Variants in LIPA observed in about 807,000 individuals in gnomAD.
LIPA encodes lysosomal acid lipase/cholesteryl ester hydrolase.
In LIPA, 26 loss-of-function variants were observed where a neutral mutation model predicts 40.6. That is an observed-to-expected ratio of 0.64 (90% CI 0.47 to 0.89). The LOEUF is 0.89. LIPA is among the 40% of genes least tolerant of loss of function. LIPA has a pLI of 0.00. For missense variants in LIPA, 455 were observed against 479.6 expected (o/e 0.95, Z 0.48); for synonymous variants, 188 against 168.4 (o/e 1.12, Z -0.90).
chr10:89,381,106 G>A (rs1844159172), intron 2 of LIPA, among the ~76,000 whole-genome samples: 1 of 152,154 alleles, frequency 6.6e-6, no homozygotes. Flanking sequence ...GCTCACAAAT[G>A]TGCTGGGTGG....
chr10:89,293,678 A>ACAAGAGAG (rs563646884), intron 1 of LIPA: 1 of 126,368 alleles, frequency 7.9e-6, no homozygotes, highest in East Asian at 2.9e-4. Context: ...TCTGTGTGAG[A>ACAAGAGAG]TGAGAGAGAG....
Position 89,307,264 on chromosome 10 carries a change from G to A in LIPA, c.-2+35347C>T, listed in dbSNP as rs368799099. On this transcript the variant is annotated intron_variant, in intron 1 of 5. Transcript: ENST00000282673. ...CAGATTCTGAGGCTTTGCATGTCTTGGCATTCCTTCAGGAGCTGAATGAAA... is the reference window on the plus strand; with the variant it reads ...CAGATTCTGAGGCTTTGCATGTCTTAGCATTCCTTCAGGAGCTGAATGAAA... 6.8e-6 allele frequency: 11 copies of A among 1,613,974 alleles called. No individual in the cohort carries two copies. In the East Asian group the frequency reaches 2.2e-4, roughly 33 times the overall value.
chr10:89,368,295 C>T (rs186913444), intron 2 of LIPA, among the ~76,000 whole-genome samples: 170 of 152,358 alleles, frequency 1.1e-3, no homozygotes, highest in Admixed American at 1.8e-3. Flanking sequence ...ACTCTGGCTA[C>T]ACTTCTATGT....
At chr10:89,221,562 C>G (rs1451179466) in intron 8 of LIPA, among the ~76,000 whole-genome samples, 1 of 152,038 alleles carries the variant, frequency 6.6e-6, no homozygotes, top group Non-Finnish European at 1.5e-5. Context: ...GCAGTGACTG[C>G]CAGGTGTTTG....
intron 1 of LIPA, among the ~76,000 whole-genome samples, chr10:89,414,059 G>T (rs545520053): frequency 2.8e-4 from 43 of 152,190 alleles, no homozygotes; most frequent in Non-Finnish European, 5.1e-4. Flanking sequence ...ATTGGCGAAG[G>T]TATGGAAGAG....
chr10:89,295,896 A>G (rs1364176372), intron 1 of LIPA, among the ~76,000 whole-genome samples: 3 of 152,220 alleles, frequency 2.0e-5, no homozygotes, highest in African/African-American at 4.8e-5. Flanking sequence ...TAACCCAGCT[A>G]CTAAATCAGC....
At chr10:89,357,895 T>A (rs1279642330) in intron 2 of LIPA, among the ~76,000 whole-genome samples, 1 of 152,202 alleles carries the variant, frequency 6.6e-6, no homozygotes, top group Admixed American at 6.5e-5. Flanking sequence ...TTAAGGTATA[T>A]CTTATTCAAA....
At chr10:89,262,713 T>A (rs577185287) in intron 1 of LIPA, among the ~76,000 whole-genome samples, 1 of 152,322 alleles carries the variant, frequency 6.6e-6, no homozygotes, top group Non-Finnish European at 1.5e-5. Flanking sequence ...ATTTATCAGA[T>A]CGCAGGGTGA....
intron 2 of LIPA, among the ~76,000 whole-genome samples, chr10:89,349,963 G>A (rs1414082352): frequency 1.3e-5 from 2 of 152,014 alleles, no homozygotes; most frequent in East Asian, 1.9e-4. Context: ...TTCAAGAAAC[G>A]GGATAACAAC....
At chr10:89,293,679 T>TGAGGGA (rs1843390830) in intron 1 of LIPA, 2 of 145,106 alleles carry the variant, frequency 1.4e-5, no homozygotes, top group Admixed American at 1.4e-4. Context: ...CTGTGTGAGA[T>TGAGGGA]GAGAGAGAGA....
chr10:89,235,974 A>C (rs1457387207), intron 3 of LIPA, among the ~76,000 whole-genome samples: 1 of 152,066 alleles, frequency 6.6e-6, no homozygotes, highest in Non-Finnish European at 1.5e-5. Context: ...TCATACATGG[A>C]TTTTTTTTCA....
intron 2 of LIPA, among the ~76,000 whole-genome samples, chr10:89,377,732 C>A (rs1390652638): frequency 6.6e-6 from 1 of 152,216 alleles, no homozygotes; most frequent in Admixed American, 6.5e-5. Flanking sequence ...ACAAGTTTGA[C>A]AACAGAGTCT....
rs114362052 is a variant in LIPA, at chr10:89,282,068, G to A, written c.-1-34419C>T. On this transcript the variant is annotated intron_variant, in intron 1 of 5. Transcript: ENST00000282673. Reference sequence around the variant, plus strand: ...TTTACTCTTCTCATTCCACAGAGATGGAAACCAAGGCACAGAACTACTGTG... The same window carrying A: ...TTTACTCTTCTCATTCCACAGAGATAGAAACCAAGGCACAGAACTACTGTG... Among the ~76,000 whole-genome samples, 719 of 152,236 alleles carry A rather than the reference G, an allele frequency of 4.7e-3. 5 individuals are homozygous for A. Among genetic ancestry groups the A allele is most frequent in the African/African-American group, 0.017 (689 of 41,534 alleles).
intron 2 of LIPA, among the ~76,000 whole-genome samples, chr10:89,351,793 A>C (rs748385356): frequency 6.6e-4 from 100 of 152,314 alleles, no homozygotes; most frequent in Non-Finnish European, 6.9e-4. Context: ...CCACTCAAAA[A>C]ATACGCGCAT....
At chr10:89,396,604 C>T (rs1311620584) in intron 2 of LIPA, among the ~76,000 whole-genome samples, 1 of 152,196 alleles carries the variant, frequency 6.6e-6, no homozygotes, top group Non-Finnish European at 1.5e-5. Context: ...CACGAGAGAC[C>T]TACCTCTATG....
chr10:89,339,101 G>C, intron 1 of LIPA: 1 of 1,614,074 alleles, frequency 6.2e-7, no homozygotes, highest in Non-Finnish European at 8.5e-7. Flanking sequence ...CAACTGAAGT[G>C]TGGAAGAAAT....
intron 2 of LIPA, among the ~76,000 whole-genome samples, chr10:89,373,981 A>G (rs1229664868): frequency 6.6e-6 from 1 of 152,196 alleles, no homozygotes; most frequent in Non-Finnish European, 1.5e-5. Context: ...TACTGATAAT[A>G]CTCATGCCTG....
At chr10:89,411,503 G>T (rs1841469023) in intron 2 of LIPA, among the ~76,000 whole-genome samples, 2 of 152,160 alleles carry the variant, frequency 1.3e-5, no homozygotes, top group Admixed American at 1.3e-4. Flanking sequence ...AAGAATAATT[G>T]AAATCCCAAA....
chr10:89,312,676 G>A (rs1302504667), intron 1 of LIPA, among the ~76,000 whole-genome samples: 4 of 151,780 alleles, frequency 2.6e-5, no homozygotes, highest in Non-Finnish European at 4.4e-5. Context: ...AGGCGTGGTG[G>A]CGGGCACCTG....
Sources: gnomAD v4.1 joint callset for allele counts (sites outside exome capture counted in the v4.1 genomes callset) on GRCh38, gnomAD v4.1.1 for gene constraint, MANE v1.5 for transcripts, NCBI Gene and HGNC (gene_info 2026-07-23, HGNC 2026-07-21) for gene names.